Variants in SRPK2 observed in about 807,000 individuals in gnomAD.
SRPK2 encodes SFRS protein kinase 2.
A neutral mutation model predicts 90.8 loss-of-function variants in SRPK2; 21 were observed. The observed-to-expected ratio is 0.23, with a 90% CI of 0.16 to 0.33. The LOEUF (loss-of-function observed/expected upper bound fraction) is 0.33. Among genes scored for constraint, SRPK2 ranks in the 10% least tolerant of loss-of-function variants. SRPK2 has a pLI of 1.00. For synonymous variants in SRPK2, 288 were observed against 311.1 expected (o/e 0.93, Z 0.78); for missense variants, 620 against 869.0 (o/e 0.71, Z 3.60).
At chr7:105,179,423 T>C (rs1289414182) in intron 3 of SRPK2, among the ~76,000 whole-genome samples, 1 of 152,216 alleles carries the variant, frequency 6.6e-6, no homozygotes, top group Non-Finnish European at 1.5e-5. Flanking sequence ...GTATTGTCTA[T>C]GGCTATTTAA....
At chr7:105,300,640 T>A (rs1271306647) in intron 2 of SRPK2, among the ~76,000 whole-genome samples, 3 of 152,006 alleles carry the variant, frequency 2.0e-5, no homozygotes, top group Admixed American at 1.3e-4. Flanking sequence ...ATATCCAGAA[T>A]CTACAAAGAA....
intron 2 of SRPK2, among the ~76,000 whole-genome samples, chr7:105,336,487 G>A (rs1815105034): frequency 6.6e-6 from 1 of 151,862 alleles, no homozygotes; most frequent in Non-Finnish European, 1.5e-5. Flanking sequence ...CAGAATATTG[G>A]AGTTATATAG....
upstream of SRPK2, chr7:105,388,939 G>A: frequency 8.4e-7 from 1 of 1,186,946 alleles, no homozygotes. Flanking sequence ...CGCCGCCGCC[G>A]CCGCTCCAGC....
At chr7:105,295,874 T>A (rs1809748230) in intron 2 of SRPK2, among the ~76,000 whole-genome samples, 2 of 152,196 alleles carry the variant, frequency 1.3e-5, no homozygotes, top group Admixed American at 1.3e-4. Context: ...TGACAGATAC[T>A]GAGGATTAAG....
chr7:105,185,840 T>C (rs987840035), intron 3 of SRPK2, among the ~76,000 whole-genome samples: 1 of 152,188 alleles, frequency 6.6e-6, no homozygotes, highest in African/African-American at 2.4e-5. Context: ...GCACCCAACA[T>C]AGCAATTTAG....
intron 2 of SRPK2, among the ~76,000 whole-genome samples, chr7:105,366,880 A>T (rs1166691864): frequency 6.6e-6 from 1 of 152,156 alleles, no homozygotes; most frequent in Non-Finnish European, 1.5e-5. Flanking sequence ...GAATGCACTC[A>T]TTCTAAGATG....
At chr7:105,242,572 G>A (rs746591958) in intron 2 of SRPK2, among the ~76,000 whole-genome samples, 11 of 152,098 alleles carry the variant, frequency 7.2e-5, no homozygotes, top group African/African-American at 2.4e-4. Context: ...GATAAAACTC[G>A]ACAGTAAGTA....
intron 8 of SRPK2, among the ~76,000 whole-genome samples, chr7:105,145,717 T>C (rs1804515475): frequency 6.6e-6 from 1 of 152,192 alleles, no homozygotes. Flanking sequence ...TTTTGCAAGC[T>C]TTCTATAATT....
chr7:105,190,870 A>C (rs1292385468), intron 3 of SRPK2, among the ~76,000 whole-genome samples: 2 of 152,098 alleles, frequency 1.3e-5, no homozygotes, highest in African/African-American at 4.8e-5. Context: ...CCCCAATCCA[A>C]CTGCGACTTC....
At chr7:105,309,077 A>C (rs1310733698) in intron 2 of SRPK2, among the ~76,000 whole-genome samples, 2 of 152,140 alleles carry the variant, frequency 1.3e-5, no homozygotes, top group African/African-American at 4.8e-5. Context: ...TAATGTCTCC[A>C]AAAAAAGTGC....
intron 11 of SRPK2, among the ~76,000 whole-genome samples, chr7:105,133,595 C>G (rs1397326158): frequency 6.6e-6 from 1 of 152,190 alleles, no homozygotes; most frequent in Non-Finnish European, 1.5e-5. Context: ...GGCACCGACA[C>G]CTCACACCCA....
chr7:105,296,143 A>G (rs1033335661), intron 2 of SRPK2, among the ~76,000 whole-genome samples: 3 of 152,220 alleles, frequency 2.0e-5, no homozygotes, highest in African/African-American at 4.8e-5. Context: ...CTGTTTCCAT[A>G]AACTACTCCA....
chr7:105,277,866 G>A (rs4406343), intron 2 of SRPK2, among the ~76,000 whole-genome samples: 66,446 of 151,964 alleles, frequency 0.44, 15,828 homozygotes, highest in South Asian at 0.54. Context: ...AATCTGCAAA[G>A]GATGAAAAAA....
intron 2 of SRPK2, among the ~76,000 whole-genome samples, chr7:105,282,498 T>C (rs1807475766): frequency 6.6e-6 from 1 of 152,196 alleles, no homozygotes; most frequent in African/African-American, 2.4e-5. Flanking sequence ...AAAACATTTG[T>C]GCATTAAAAG....
intron 2 of SRPK2, among the ~76,000 whole-genome samples, chr7:105,328,993 C>T (rs1030753764): frequency 6.6e-6 from 1 of 152,058 alleles, no homozygotes; most frequent in Admixed American, 6.6e-5. Context: ...CCAGCCTGGG[C>T]AACATAGCGA....
At chr7:105,370,616 C>CTTTTT (rs199888481) in intron 2 of SRPK2, among the ~76,000 whole-genome samples, 13 of 129,962 alleles carry the variant, frequency 1.0e-4, no homozygotes, top group Non-Finnish European at 1.6e-4. Context: ...TTTTTTCTTT[C>CTTTTT]TTTTTTTTTT....
intron 2 of SRPK2, among the ~76,000 whole-genome samples, chr7:105,273,745 C>T (rs1365610388): frequency 6.6e-6 from 1 of 152,214 alleles, no homozygotes; most frequent in African/African-American, 2.4e-5. Flanking sequence ...ACCATTGCTT[C>T]CCTAACGACA....
chr7:105,330,125 G>A (rs951004072), intron 2 of SRPK2, among the ~76,000 whole-genome samples: 1 of 151,952 alleles, frequency 6.6e-6, no homozygotes, highest in Non-Finnish European at 1.5e-5. Flanking sequence ...GGATCACAAG[G>A]TCAAGAGATT....
At chr7:105,120,673 GGA>G (rs966400915) in intron 15 of SRPK2, among the ~76,000 whole-genome samples, 1 of 151,984 alleles carries the variant, frequency 6.6e-6, no homozygotes, top group African/African-American at 2.4e-5. Context: ...AAAAATGTGT[GGA>G]CTTTTTTTGT....
Sources: allele counts gnomAD v4.1 joint callset (sites outside exome capture counted in the v4.1 genomes callset), GRCh38; gene constraint gnomAD v4.1.1; transcripts MANE v1.5; gene names NCBI Gene and HGNC (gene_info 2026-07-23, HGNC 2026-07-21).